TAF1D: variants seen among roughly 807,000 people sequenced by gnomAD.
TAF1D encodes the protein TATA-box binding protein associated factor, RNA polymerase I subunit D.
TAF1D carries 23 observed loss-of-function variants against 26.2 expected under a neutral mutation model. That is an observed-to-expected ratio of 0.88 (90% confidence interval 0.63 to 1.25). The LOEUF is 1.25. TAF1D is among the 50% of genes most tolerant of loss of function. TAF1D has a pLI of 0.00. For synonymous variants in TAF1D, 100 were observed against 105.6 expected, an observed-to-expected ratio of 0.95 and a Z score of 0.33; for missense variants, 299 against 322.0, an observed-to-expected ratio of 0.93 and a Z score of 0.55.
intron 1 of TAF1D, among the ~76,000 whole-genome samples, chr11:93,740,565 G>C (rs1225700396): frequency 6.6e-6 from 1 of 150,906 alleles, no homozygotes; most frequent in African/African-American, 2.4e-5. Flanking sequence ...GACCTGACAT[G>C]AGTCATTACA....
At chr11:93,734,853 G>A, downstream of TAF1D, 1 of 921,408 alleles carries the variant, frequency 1.1e-6, no homozygotes, top group South Asian at 1.7e-5. Flanking sequence ...AAAGCTCAGT[G>A]CAGCCTCCAA....
chr11:93,733,956 A>C (rs955379482), downstream of TAF1D: 13 of 152,824 alleles, frequency 8.5e-5, no homozygotes, highest in African/African-American at 3.1e-4. Flanking sequence ...ATAATTTCAC[A>C]ATCACGTTGT....
intron 1 of TAF1D, among the ~76,000 whole-genome samples, chr11:93,739,961 CAAAAAAAAA>C (rs67574108): frequency 2.4e-5 from 2 of 82,422 alleles, no homozygotes; most frequent in Admixed American, 1.5e-4. Context: ...TACAACATAC[CAAAAAAAAA>C]AAAAAAAAAA....
downstream of TAF1D, chr11:93,733,241 AAGTTTT>A (rs1324178006): frequency 3.9e-6 from 2 of 519,064 alleles, no homozygotes; most frequent in African/African-American, 3.8e-5. Context: ...TGTCAGAATT[AAGTTTT>A]AGTTCATGCC....
downstream of TAF1D, chr11:93,733,042 C>G: frequency 3.0e-6 from 1 of 334,454 alleles, no homozygotes; most frequent in Non-Finnish European, 5.9e-6. Flanking sequence ...TTCTATTTTT[C>G]ATCTTTTGAG....
At chr11:93,733,370 G>A (rs1383767315), downstream of TAF1D, 2 of 518,734 alleles carry the variant, frequency 3.9e-6, no homozygotes, top group African/African-American at 1.9e-5. Flanking sequence ...ACTCAAGAAT[G>A]GTACAGATGT....
chr11:93,730,932 CAT>C (rs756740708), downstream of TAF1D: 8 of 484,668 alleles, frequency 1.7e-5, no homozygotes, highest in Admixed American at 2.4e-5. Flanking sequence ...AGAAAAATCA[CAT>C]GTGGTTCACA....
Position 93,737,321 on chromosome 11 carries a change from C to T in TAF1D, c.460-82G>A, listed in dbSNP as rs1591283693. Reference sequence around the variant, plus strand: ...TGCCTATGTTCAAAAAGGGCAATGCCCCCCCTTAGCAAAGACTCTGAATTT... The same window carrying T: ...TGCCTATGTTCAAAAAGGGCAATGCTCCCCCTTAGCAAAGACTCTGAATTT... On this transcript the variant is annotated intron_variant, in intron 3 of 5. Coordinates refer to ENST00000448108, the MANE Select transcript of TAF1D (RefSeq NM_024116.4). 8.7e-6 allele frequency: 8 copies of T among 916,716 alleles called. No homozygotes were observed. In the East Asian group the frequency reaches 1.1e-4, roughly 12 times the overall value. The allele number at this position is 916,716 out of a possible 1,614,324, so 56.8% of individuals were successfully genotyped here.
chr11:93,739,187 CAATAGTTTCTCA>C (rs779354707), intron 2 of TAF1D, 38 bp downstream of exon 2: 12 of 1,415,592 alleles, frequency 8.5e-6, no homozygotes, highest in Admixed American at 1.9e-5. Flanking sequence ...TCATTATATA[CAATAGTTTCTCA>C]TAATTCAGAT....
At chr11:93,735,012 C>A, downstream of TAF1D, 3 of 1,233,022 alleles carry the variant, frequency 2.4e-6, no homozygotes, top group Non-Finnish European at 3.1e-6. Context: ...AATACTCCCA[C>A]CTTGGTGTGG....
At chr11:93,734,423 A>T, downstream of TAF1D, 1 of 302,540 alleles carries the variant, frequency 3.3e-6, no homozygotes, top group South Asian at 3.0e-5. Context: ...CAAATTCAGG[A>T]CCCTCTAATG....
chr11:93,738,211 TAGTG>T lies in TAF1D; in HGVS notation c.353_356del (p.Ser118Ter), dbSNP rs1188362302. 8.7e-6 allele frequency: 14 copies of T among 1,609,038 alleles called. No homozygotes were observed. Among genetic ancestry groups the T allele is most frequent in the Non-Finnish European group, 1.2e-5 (14 of 1,178,996 alleles). The stretch of plus-strand genomic sequence containing the variant: ...TTCTAAATTGTTTCTTCTTATCTAT[TAGTG>T]AGTATATAGGATTTCTCCTTCCTTC... On this transcript the variant is annotated frameshift_variant, in exon 3 of 6. Transcript: ENST00000448108. LOFTEE classifies it high-confidence loss of function.
chr11:93,733,721 G>A, downstream of TAF1D: 1 of 399,700 alleles, frequency 2.5e-6, no homozygotes, highest in South Asian at 2.0e-5. Context: ...GATGTGGCAG[G>A]ATCACATCTC....
At position 93,735,969 on chromosome 11, in the gene TAF1D, T is replaced by C. The variant is rs750517975; in HGVS notation, c.*192A>G. ...TCTCTGGTGTTTTAATGGTTTTTTT[T>C]CTAATTATTACTACTTCACAAGTTT... On this transcript the variant is annotated 3_prime_UTR_variant, in exon 6 of 6. Coordinates refer to ENST00000448108, the MANE Select transcript of TAF1D (RefSeq NM_024116.4). The C allele has an allele frequency of 1.6e-5, 22 of 1,347,652 alleles. No individual in the cohort carries two copies. In the South Asian group the frequency reaches 2.9e-4, roughly 18 times the overall value. 83.5% of individuals were successfully genotyped at this position (1,347,652 alleles called of 1,614,324 possible). A position where few individuals can be genotyped will look rare whatever the true frequency, so the allele number is the denominator to read the frequency against.
chr11:93,736,475 A>G, intron 5 of TAF1D, 171 bp from the exon 6 acceptor site: 19 of 1,425,898 alleles, frequency 1.3e-5, no homozygotes, highest in Non-Finnish European at 1.7e-5. Context: ...ACTAGCAATA[A>G]TATGTATCAG....
In TAF1D at chr11:93,736,728, T is replaced by C; in HGVS notation, c.659A>G (p.His220Arg). The change falls in exon 5 of 6, where the codon CAT becomes CGT. Residue 220 changes from histidine to arginine, a missense_variant. His to Arg is a conservative substitution (Grantham distance 29, BLOSUM62 0). Coordinates refer to ENST00000448108, the MANE Select transcript of TAF1D (RefSeq NM_024116.4). ...GATATCACATTCGTTATCTTCAAGA[T>C]GTGTTGCATCCTCATCCTCTGCTCT... is the stretch of plus-strand genomic sequence containing the variant. Reference protein sequence around the residue: ...ESTAEDEDATHLEDNECDIKL... With the variant: ...ESTAEDEDATRLEDNECDIKL... 3.1e-6 allele frequency: 5 copies of C among 1,611,378 alleles called. No individual in the cohort carries two copies. Among genetic ancestry groups the C allele is most frequent in the Non-Finnish European group, 4.2e-6 (5 of 1,179,278 alleles).
chr11:93,738,676 A>G (rs1041664156), intron 2 of TAF1D, among the ~76,000 whole-genome samples, 177 bp from the exon 3 acceptor site: 1 of 151,712 alleles, frequency 6.6e-6, no homozygotes, highest in African/African-American at 2.4e-5. Context: ...CATCCTATTT[A>G]AATAGCCCAT....
Position 93,736,760 on chromosome 11 carries a change from T to A in TAF1D, c.636-9A>T. 1 of 1,604,654 alleles carries A rather than the reference T, an allele frequency of 6.2e-7. No homozygotes were observed. Among genetic ancestry groups the A allele is most frequent in the Non-Finnish European group, 8.5e-7 (1 of 1,177,134 alleles). ...CATCCTCATCCTCTGCTCTGTAATA[T>A]TAAAATTTATCATCGAGATGACAGA... On this transcript the variant is annotated splice_polypyrimidine_tract_variant and intron_variant, in intron 4 of 5. Coordinates refer to ENST00000448108, the MANE Select transcript of TAF1D (RefSeq NM_024116.4).
chr11:93,731,982 A>AT, downstream of TAF1D: 1 of 503,488 alleles, frequency 2.0e-6, no homozygotes. Flanking sequence ...TTTCTCCTAC[A>AT]TTTTTACTCA....
Sources: gnomAD v4.1 joint callset for allele counts (sites outside exome capture counted in the v4.1 genomes callset) on GRCh38, gnomAD v4.1.1 for gene constraint, MANE v1.5 for transcripts, NCBI Gene and HGNC (gene_info 2026-07-23, HGNC 2026-07-21) for gene names.